Variants in GPR63 observed in about 807,000 individuals in gnomAD.
GPR63 encodes the protein G protein-coupled receptor 63.
GPR63 carries 12 observed loss-of-function variants against 23.1 expected under a neutral mutation model. That is an observed-to-expected ratio of 0.52 (90% CI 0.33 to 0.84). GPR63 has a LOEUF of 0.84. GPR63 is among the 40% of genes least tolerant of loss of function. The pLI is 0.02. For synonymous variants in GPR63, 172 were observed against 191.1 expected, an observed-to-expected ratio of 0.90 and a Z score of 0.82; for missense variants, 472 against 515.6, an observed-to-expected ratio of 0.92 and a Z score of 0.82.
intron 1 of GPR63, among the ~76,000 whole-genome samples, chr6:96,819,379 T>C (rs1366801248): frequency 2.0e-5 from 3 of 152,134 alleles, no homozygotes; most frequent in African/African-American, 7.2e-5. Context: ...GGGACATGAA[T>C]GAAGCTGGAA....
At chr6:96,828,569 A>AAAAG (rs1774501252) in intron 1 of GPR63, among the ~76,000 whole-genome samples, 1 of 151,650 alleles carries the variant, frequency 6.6e-6, no homozygotes, top group African/African-American at 2.4e-5. Context: ...CAGTAAAAAA[A>AAAAG]AAAAAAAAAT....
chr6:96,800,006 T>G, intron 1 of GPR63, 125 bp from the exon 2 acceptor site: 1 of 442,556 alleles, frequency 2.3e-6, no homozygotes, highest in Non-Finnish European at 4.2e-6. Context: ...AAAAATATTT[T>G]AGTCTCCAGT....
chr6:96,820,201 C>T (rs2127955443), intron 1 of GPR63, among the ~76,000 whole-genome samples: 1 of 152,090 alleles, frequency 6.6e-6, no homozygotes, highest in South Asian at 2.1e-4. Context: ...AAACTCTGTT[C>T]CTTAGGAAAT....
chr6:96,799,743 G>T lies in GPR63; in HGVS notation c.-12C>A, dbSNP rs144274109. The T allele has an allele frequency of 6.4e-4, 1,038 of 1,614,076 alleles. 7 individuals are homozygous for T. In the African/African-American group the frequency reaches 0.011, roughly 17 times the overall value. On this transcript the variant is annotated 5_prime_UTR_variant, in exon 2 of 2. Transcript: ENST00000229955. Reference sequence around the variant, plus strand: ...GCCGAGAAGACCATGGTTTCAGTAGGATGGAAGATGCAAGCAGAGATGCAG... The same window carrying T: ...GCCGAGAAGACCATGGTTTCAGTAGTATGGAAGATGCAAGCAGAGATGCAG...
Position 96,798,836 on chromosome 6 carries a change from G to T in GPR63, c.896C>A (p.Pro299His), listed in dbSNP as rs1472264614. 6.2e-7 allele frequency: 1 copy of T among 1,614,196 alleles called. No individual in the cohort carries two copies. Among genetic ancestry groups the T allele is most frequent in the Admixed American group, 1.7e-5 (1 of 60,024 alleles). ...GCCCATGTCAATGCTCATCTGGAAA[G>T]GTCTCTGCAGACTCATGAGACCCAG... ...SKLGLMSLQRPFQMSIDMGFK... is the reference protein window; with the variant it reads ...SKLGLMSLQRHFQMSIDMGFK... Residue 299 changes from proline (P) to histidine (H), a missense_variant, in exon 2 of 2, where the codon CCT becomes CAT. Coordinates refer to ENST00000229955, the MANE Select transcript of GPR63 (RefSeq NM_030784.4).
chr6:96,833,210 CT>C (rs1363196803), intron 1 of GPR63, among the ~76,000 whole-genome samples: 2 of 152,192 alleles, frequency 1.3e-5, no homozygotes, highest in African/African-American at 2.4e-5. Context: ...ATTTTTCCCT[CT>C]TGAAGACAAT....
chr6:96,810,533 G>C lies in GPR63; in HGVS notation c.-150-10652C>G. 1.3e-5 allele frequency among the ~76,000 whole-genome samples: 2 copies of C among 151,418 alleles called. 1 individual carries two copies. Among genetic ancestry groups the C allele is most frequent in the Non-Finnish European group, 2.9e-5 (2 of 67,910 alleles). On this transcript the variant is annotated intron_variant, in intron 1 of 1. Coordinates refer to ENST00000229955, the MANE Select transcript of GPR63 (RefSeq NM_030784.4). Reference sequence around the variant, plus strand: ...AAAAAAGATAACAGTTAAATAAAGTGTGATACATACATACTAGGAATACCA... The same window carrying C: ...AAAAAAGATAACAGTTAAATAAAGTCTGATACATACATACTAGGAATACCA...
intron 1 of GPR63, among the ~76,000 whole-genome samples, chr6:96,836,347 T>G (rs1774727950): frequency 6.6e-6 from 1 of 152,196 alleles, no homozygotes. Flanking sequence ...TTAGAAACAC[T>G]ACTCCTAGAA....
At chr6:96,817,189 G>T (rs74837884) in intron 1 of GPR63, among the ~76,000 whole-genome samples, 4,976 of 152,108 alleles carry the variant, frequency 0.033, 128 homozygotes, top group Middle Eastern at 0.068. Context: ...CAAAGGATTT[G>T]AACAAAAACT....
chr6:96,821,947 T>C (rs1270605853), intron 1 of GPR63, among the ~76,000 whole-genome samples: 1 of 151,874 alleles, frequency 6.6e-6, no homozygotes, highest in Non-Finnish European at 1.5e-5. Context: ...AAGGATATAA[T>C]AGAAATTTCA....
At chr6:96,801,736 C>T (rs1031951970) in intron 1 of GPR63, among the ~76,000 whole-genome samples, 7 of 152,170 alleles carry the variant, frequency 4.6e-5, no homozygotes, top group South Asian at 4.1e-4. Context: ...TTCACTTCTA[C>T]GGTTTAATTT....
chr6:96,808,452 G>C (rs1302712741), intron 1 of GPR63, among the ~76,000 whole-genome samples: 4 of 152,154 alleles, frequency 2.6e-5, no homozygotes, highest in Admixed American at 2.0e-4. Flanking sequence ...TGCTAAAACT[G>C]GAGTGACCAC....
chr6:96,820,086 GAGT>G (rs895686877), intron 1 of GPR63, among the ~76,000 whole-genome samples: 6 of 151,370 alleles, frequency 4.0e-5, no homozygotes, highest in Admixed American at 3.3e-4. Flanking sequence ...CTTGTAAAAT[GAGT>G]AGTTTTCTTA....
At chr6:96,817,141 G>A (rs1306127597) in intron 1 of GPR63, among the ~76,000 whole-genome samples, 1 of 151,970 alleles carries the variant, frequency 6.6e-6, no homozygotes, top group African/African-American at 2.4e-5. Context: ...GCAACAAATT[G>A]ATAAGAAAAA....
At chr6:96,808,978 G>A (rs774996316) in intron 1 of GPR63, among the ~76,000 whole-genome samples, 5 of 139,806 alleles carry the variant, frequency 3.6e-5, no homozygotes, top group Non-Finnish European at 6.0e-5. Flanking sequence ...TCCTGTACCA[G>A]CTTCTTTCTT....
chr6:96,810,577 T>C (rs1185549718), intron 1 of GPR63, among the ~76,000 whole-genome samples: 1 of 149,952 alleles, frequency 6.7e-6, no homozygotes, highest in Non-Finnish European at 1.5e-5. Context: ...TCACAAACAA[T>C]AGGTCAATCT....
intron 1 of GPR63, among the ~76,000 whole-genome samples, chr6:96,819,937 T>G (rs1356335609): frequency 7.5e-6 from 1 of 133,688 alleles, no homozygotes; most frequent in Non-Finnish European, 1.5e-5. Flanking sequence ...TATCGCTCAC[T>G]GCACTCCAGC....
chr6:96,825,171 T>C (rs1335174520), intron 1 of GPR63, among the ~76,000 whole-genome samples: 2 of 152,258 alleles, frequency 1.3e-5, no homozygotes, highest in African/African-American at 4.8e-5. Context: ...GATGTGTATA[T>C]GTGTATGTAT....
chr6:96,803,300 C>T (rs1047209835), intron 1 of GPR63, among the ~76,000 whole-genome samples: 1 of 152,176 alleles, frequency 6.6e-6, no homozygotes, highest in Admixed American at 6.5e-5. Context: ...ACAATGCCAG[C>T]TTGGTGACCA....
Sources: gnomAD v4.1 joint callset for allele counts (sites outside exome capture counted in the v4.1 genomes callset) on GRCh38, gnomAD v4.1.1 for gene constraint, MANE v1.5 for transcripts, NCBI Gene and HGNC (gene_info 2026-07-23, HGNC 2026-07-21) for gene names.